The following GNB4 variants were observed in gnomAD, a reference collection of about 807,000 sequenced individuals.
GNB4 encodes the protein guanine nucleotide-binding protein subunit beta-4.
A neutral mutation model predicts 45.2 loss-of-function variants in GNB4; 28 were observed. That is an observed-to-expected ratio of 0.62 (90% CI 0.46 to 0.85). GNB4 has a LOEUF of 0.85. GNB4 is among the 40% of genes least tolerant of loss of function. The pLI is 0.00. For missense variants in GNB4, 321 were observed against 425.4 expected, an observed-to-expected ratio of 0.75 and a Z score of 2.16; for synonymous variants, 132 against 143.7, an observed-to-expected ratio of 0.92 and a Z score of 0.58.
At chr3:179,415,087 C>T in intron 5 of GNB4, 40 bp from the exon 6 acceptor site, 2 of 1,479,670 alleles carry the variant, frequency 1.4e-6, no homozygotes, top group East Asian at 2.3e-5. Flanking sequence ...ATTACAAAAA[C>T]AGTCATCTAT....
At chr3:179,489,191 A>G in the GNB4 span, among the ~76,000 whole-genome samples, 1 of 150,970 alleles carries the variant, frequency 6.6e-6, no homozygotes, top group Non-Finnish European at 1.5e-5. Flanking sequence ...CACAAATGTC[A>G]TGTTATACAA....
intron 1 of GNB4, among the ~76,000 whole-genome samples, chr3:179,440,213 G>A (rs1715561382): frequency 6.6e-6 from 1 of 152,054 alleles, no homozygotes; most frequent in Admixed American, 6.6e-5. Context: ...GATTTTTGGG[G>A]GGCAGCTATA....
At chr3:179,480,382 T>C in the GNB4 span, among the ~76,000 whole-genome samples, 1 of 152,216 alleles carries the variant, frequency 6.6e-6, no homozygotes, top group Admixed American at 6.5e-5. Context: ...TTCTGACCCC[T>C]GTAATAATGG....
At chr3:179,517,538 T>C in the GNB4 span, among the ~76,000 whole-genome samples, 1 of 152,168 alleles carries the variant, frequency 6.6e-6, no homozygotes, top group Non-Finnish European at 1.5e-5. Flanking sequence ...TCTCCTGTCC[T>C]CCTGCTCTTT....
intron 1 of GNB4, among the ~76,000 whole-genome samples, chr3:179,444,088 T>C (rs1037051212): frequency 1.3e-5 from 2 of 152,204 alleles, no homozygotes; most frequent in African/African-American, 4.8e-5. Flanking sequence ...ATAATCTGTC[T>C]CATCATTTCT....
At chr3:179,484,437 A>G in the GNB4 span, among the ~76,000 whole-genome samples, 2 of 152,190 alleles carry the variant, frequency 1.3e-5, no homozygotes, top group Non-Finnish European at 2.9e-5. Context: ...AATACTCAAG[A>G]CACTTTCGTG....
Position 179,396,537 on chromosome 3 carries a change from A to G in GNB4, c.*4676T>C, listed in dbSNP as rs770554097. ...CTACCAAGTATATCACTGAAGTTCTATTAATTAAGAAATAAATACTGTATG... is the reference window on the plus strand; with the variant it reads ...CTACCAAGTATATCACTGAAGTTCTGTTAATTAAGAAATAAATACTGTATG... On this transcript the variant is annotated 3_prime_UTR_variant, in exon 10 of 10. Coordinates refer to ENST00000232564, the MANE Select transcript of GNB4 (RefSeq NM_021629.4). 2.0e-5 allele frequency: 3 copies of G among 152,314 alleles called. No homozygotes were observed. The highest frequency in any genetic ancestry group is 1.9e-4 in the East Asian group (1 of 5,190). The allele number at this position is 152,314 out of a possible 1,614,324, so 9.4% of individuals were successfully genotyped here. A position where few individuals can be genotyped will look rare whatever the true frequency, so the allele number is the denominator to read the frequency against.
chr3:179,459,056 T>G, the GNB4 span, among the ~76,000 whole-genome samples: 229 of 152,350 alleles, frequency 1.5e-3, 1 homozygote, highest in Non-Finnish European at 7.3e-5. Context: ...GGAATATTAT[T>G]ATTCCCGTTG....
At chr3:179,466,230 C>G in the GNB4 span, among the ~76,000 whole-genome samples, 1 of 151,962 alleles carries the variant, frequency 6.6e-6, no homozygotes, top group Admixed American at 6.6e-5. Context: ...GGACTGGTCT[C>G]AAACTCCTAA....
At chr3:179,482,901 A>C in the GNB4 span, among the ~76,000 whole-genome samples, 1 of 152,144 alleles carries the variant, frequency 6.6e-6, no homozygotes, top group Non-Finnish European at 1.5e-5. Context: ...TCCCCATAAA[A>C]GTTAGTGGGA....
At chr3:179,492,570 G>C in the GNB4 span, among the ~76,000 whole-genome samples, 4 of 152,086 alleles carry the variant, frequency 2.6e-5, no homozygotes, top group African/African-American at 9.7e-5. Context: ...CCAGAGACCT[G>C]GAACCTAGCA....
At chr3:179,473,989 G>T in the GNB4 span, among the ~76,000 whole-genome samples, 7 of 152,046 alleles carry the variant, frequency 4.6e-5, no homozygotes, top group Non-Finnish European at 1.0e-4. Context: ...TGTCCTTTTT[G>T]ATTTGTTTGG....
At chr3:179,457,939 C>CT in the GNB4 span, among the ~76,000 whole-genome samples, 2 of 147,940 alleles carry the variant, frequency 1.4e-5, no homozygotes, top group African/African-American at 5.0e-5. Context: ...GAGTCTTGCT[C>CT]TGTCACCCAG....
intron 9 of GNB4, among the ~76,000 whole-genome samples, chr3:179,402,169 A>G (rs571076329): frequency 6.6e-5 from 10 of 152,270 alleles, no homozygotes; most frequent in African/African-American, 2.2e-4. Context: ...TGAAATAACA[A>G]AAAAAATGAA....
chr3:179,412,270 C>A (rs1377476506), intron 8 of GNB4, among the ~76,000 whole-genome samples: 3 of 151,648 alleles, frequency 2.0e-5, no homozygotes, highest in Non-Finnish European at 2.9e-5. Context: ...AGTTCAAGAG[C>A]AGCCTGGGCA....
intron 8 of GNB4, 166 bp from the exon 9 acceptor site, chr3:179,405,572 C>T (rs1714445348): frequency 1.7e-6 from 1 of 572,404 alleles, no homozygotes. Context: ...GATTCCATTT[C>T]AAAGTGGTGA....
chr3:179,421,764 G>C (rs571357748), intron 2 of GNB4, among the ~76,000 whole-genome samples: 12 of 152,156 alleles, frequency 7.9e-5, no homozygotes, highest in Non-Finnish European at 2.9e-5. Flanking sequence ...TAACCACTCA[G>C]AATATTTCTA....
At chr3:179,514,268 G>A in the GNB4 span, among the ~76,000 whole-genome samples, 4 of 152,226 alleles carry the variant, frequency 2.6e-5, no homozygotes, top group African/African-American at 9.6e-5. Context: ...GACATGGAAA[G>A]ATGGGGAAAG....
At chr3:179,496,679 G>A in the GNB4 span, among the ~76,000 whole-genome samples, 1,601 of 152,166 alleles carry the variant, frequency 0.011, 14 homozygotes, top group Admixed American at 0.016. Context: ...CCAAAAGAGA[G>A]CAGGGGTAGC....
Sources: allele counts gnomAD v4.1 joint callset (sites outside exome capture counted in the v4.1 genomes callset), GRCh38; gene constraint gnomAD v4.1.1; transcripts MANE v1.5; gene names NCBI Gene and HGNC (gene_info 2026-07-23, HGNC 2026-07-21).